CYB5A: variants seen among roughly 807,000 people sequenced by gnomAD.
CYB5A encodes cytochrome b5.
A neutral mutation model predicts 16.2 loss-of-function variants in CYB5A; 10 were observed. That is an observed-to-expected ratio of 0.62 (90% confidence interval 0.38 to 1.04). CYB5A has a LOEUF of 1.04. Ranked by LOEUF, CYB5A falls within the 50% of genes least tolerant of loss-of-function variation. The probability of loss-of-function intolerance (pLI) is 0.01; values close to 1 mark genes in which losing one functional copy is unlikely to be tolerated. For missense variants in CYB5A, 161 were observed against 165.9 expected (o/e 0.97, Z 0.16); for synonymous variants, 62 against 57.0 (o/e 1.09, Z -0.40).
chr18:74,262,627 T>G (rs2145046935), intron 2 of CYB5A, among the ~76,000 whole-genome samples: 1 of 152,244 alleles, frequency 6.6e-6, no homozygotes, highest in South Asian at 2.1e-4. Context: ...ATAGCTCCGT[T>G]TTTATATTTT....
chr18:74,252,040 AT>A lies in CYB5A; in HGVS notation c.*1543del, dbSNP rs1462024547. The A allele has an allele frequency of 6.6e-6, 1 of 152,244 alleles. No individual in the cohort carries two copies. The highest frequency in any genetic ancestry group is 1.5e-5 in the Non-Finnish European group (1 of 68,050). 9.4% of individuals were successfully genotyped at this position (152,244 alleles called of 1,614,324 possible). A position where few individuals can be genotyped will look rare whatever the true frequency, so the allele number is the denominator to read the frequency against. On this transcript the variant is annotated 3_prime_UTR_variant, in exon 5 of 5. Coordinates refer to ENST00000340533, the MANE Select transcript of CYB5A (RefSeq NM_148923.4). ...AAAAATCACAACCAAAAATATTGAA[AT>A]ATTTACATAGGTCCCTTAACAAGTG...
intron 2 of CYB5A, among the ~76,000 whole-genome samples, chr18:74,262,870 C>T (rs1982264138): frequency 6.6e-6 from 1 of 152,156 alleles, no homozygotes; most frequent in South Asian, 2.1e-4. Context: ...TGCAACCAGG[C>T]CAGGTGTGGG....
In CYB5A at chr18:74,263,307, G is replaced by T. The variant is rs768716701; in HGVS notation, c.258+42C>A. On this transcript the variant is annotated intron_variant, in intron 2 of 4. Transcript: ENST00000340533. Reference sequence around the variant, plus strand: ...CAGACTAGGGTAAGGTCATCTGATAGCCTTAAATACAAATAAGAAAGGGCC... The same window carrying T: ...CAGACTAGGGTAAGGTCATCTGATATCCTTAAATACAAATAAGAAAGGGCC... 2.5e-6 allele frequency: 4 copies of T among 1,613,032 alleles called. No homozygotes were observed. The South Asian group carries it at 4.4e-5, about 18-fold the overall frequency.
rs145101505 is a variant in CYB5A, at chr18:74,284,108, G to A, written c.129+7639C>T. Among the ~76,000 whole-genome samples the A allele has an allele frequency of 4.1e-3, 628 of 152,076 alleles. 7 individuals are homozygous for A. The highest frequency in any genetic ancestry group is 0.014 in the African/African-American group (600 of 41,456). On this transcript the variant is annotated intron_variant, in intron 1 of 4. Transcript: ENST00000340533. ...TTAGTCAGCCTGGTGGTGCATGCCTGTAATCCCAGCTACTTGGGAGGCTGA... is the reference window on the plus strand; with the variant it reads ...TTAGTCAGCCTGGTGGTGCATGCCTATAATCCCAGCTACTTGGGAGGCTGA...
chr18:74,276,071 C>G (rs1364794914), intron 1 of CYB5A, among the ~76,000 whole-genome samples: 1 of 152,174 alleles, frequency 6.6e-6, no homozygotes, highest in South Asian at 2.1e-4. Context: ...GCCCACTATC[C>G]TCCACCTCCT....
At position 74,252,139 on chromosome 18, in the gene CYB5A, A is replaced by C. The variant is rs1300759881; in HGVS notation, c.*1445T>G. 6.6e-6 allele frequency: 1 copy of C among 152,226 alleles called. No individual in the cohort carries two copies. Among genetic ancestry groups the C allele is most frequent in the Non-Finnish European group, 1.5e-5 (1 of 68,042 alleles). The allele number at this position is 152,226 out of a possible 1,614,324, so 9.4% of individuals were successfully genotyped here. A position where few individuals can be genotyped will look rare whatever the true frequency, so the allele number is the denominator to read the frequency against. ...AAAGAAGGCAAAGGCGGTGCATCCT[A>C]TTTGATTATAAAGGTTGTACTCTGT... On this transcript the variant is annotated 3_prime_UTR_variant, in exon 5 of 5. Coordinates refer to ENST00000340533, the MANE Select transcript of CYB5A (RefSeq NM_148923.4).
At chr18:74,255,515 G>C (rs1210838701) in intron 4 of CYB5A, among the ~76,000 whole-genome samples, 1 of 152,176 alleles carries the variant, frequency 6.6e-6, no homozygotes, top group Non-Finnish European at 1.5e-5. Context: ...GTTCCTTGGG[G>C]TGGATGCAGC....
At chr18:74,276,933 A>C (rs771260809) in intron 1 of CYB5A, among the ~76,000 whole-genome samples, 7 of 152,170 alleles carry the variant, frequency 4.6e-5, no homozygotes, top group African/African-American at 1.4e-4. Flanking sequence ...CCATAACAAA[A>C]AACCCTTTTC....
intron 4 of CYB5A, among the ~76,000 whole-genome samples, 163 bp downstream of exon 4, chr18:74,255,578 A>C (rs1040506957): frequency 7.2e-5 from 11 of 152,302 alleles, no homozygotes; most frequent in Middle Eastern, 3.4e-3. Context: ...GCTACCTGAA[A>C]GTTTGAGGCT....
chr18:74,267,831 C>G (rs949644838), intron 1 of CYB5A, among the ~76,000 whole-genome samples: 1 of 152,276 alleles, frequency 6.6e-6, no homozygotes, highest in East Asian at 1.9e-4. Context: ...TCCTCCATAA[C>G]GCACTCCTTG....
intron 1 of CYB5A, among the ~76,000 whole-genome samples, chr18:74,279,330 T>A (rs1599263002): frequency 6.6e-6 from 1 of 152,262 alleles, no homozygotes; most frequent in South Asian, 2.1e-4. Context: ...GAGTTTGAGA[T>A]CAGCCTGGCC....
chr18:74,291,677 A>C, intron 1 of CYB5A, 70 bp downstream of exon 1: 1 of 1,607,148 alleles, frequency 6.2e-7, no homozygotes, highest in Non-Finnish European at 8.5e-7. Flanking sequence ...CGCGAAAGAC[A>C]GGTCATGCCA....
intron 1 of CYB5A, 130 bp downstream of exon 1, chr18:74,291,617 G>T: frequency 1.4e-6 from 2 of 1,391,662 alleles, no homozygotes; most frequent in Non-Finnish European, 2.0e-6. Flanking sequence ...ACACGCGCAG[G>T]TGAGCGAACT....
chr18:74,284,864 A>G (rs1363358108), intron 1 of CYB5A, among the ~76,000 whole-genome samples: 1 of 152,196 alleles, frequency 6.6e-6, no homozygotes, highest in Non-Finnish European at 1.5e-5. Flanking sequence ...ACTTCTTGCC[A>G]TCATCCACAG....
chr18:74,283,095 C>G (rs1448394302), intron 1 of CYB5A, among the ~76,000 whole-genome samples: 1 of 152,132 alleles, frequency 6.6e-6, no homozygotes, highest in Non-Finnish European at 1.5e-5. Context: ...AGAGGCCACA[C>G]CAGGGCATCT....
chr18:74,277,320 ATCT>A (rs1443104538), intron 1 of CYB5A, among the ~76,000 whole-genome samples: 1 of 152,190 alleles, frequency 6.6e-6, no homozygotes, highest in African/African-American at 2.4e-5. Flanking sequence ...AGGGGCCAGC[ATCT>A]GCATGGGGCA....
chr18:74,281,559 G>A (rs941640364), intron 1 of CYB5A, among the ~76,000 whole-genome samples: 5 of 152,164 alleles, frequency 3.3e-5, no homozygotes, highest in Non-Finnish European at 5.9e-5. Flanking sequence ...TTGGAGAACT[G>A]AGAGCTGACA....
chr18:74,275,277 C>G (rs1274640457), intron 1 of CYB5A, among the ~76,000 whole-genome samples: 1 of 152,140 alleles, frequency 6.6e-6, no homozygotes, highest in Non-Finnish European at 1.5e-5. Context: ...CAGATACTTC[C>G]CAGCCTCCTT....
At chr18:74,269,416 T>TCG (rs1380421892) in intron 1 of CYB5A, among the ~76,000 whole-genome samples, 117 of 152,038 alleles carry the variant, frequency 7.7e-4, no homozygotes, top group South Asian at 2.1e-3. Context: ...TCCATCTGCG[T>TCG]TGGCTCTCCT....
Sources: gnomAD v4.1 joint callset for allele counts (sites outside exome capture counted in the v4.1 genomes callset) on GRCh38, gnomAD v4.1.1 for gene constraint, MANE v1.5 for transcripts, NCBI Gene and HGNC (gene_info 2026-07-23, HGNC 2026-07-21) for gene names.